The following APBB2 variants were observed in gnomAD, a reference collection of about 807,000 sequenced individuals.
APBB2 encodes Fe65-like 1.
A neutral mutation model predicts 82.5 loss-of-function variants in APBB2; 38 were observed. The ratio of observed to expected loss-of-function variants is 0.46; its 90% confidence interval spans 0.36 to 0.60. The LOEUF is 0.60. Ranked by LOEUF, APBB2 falls within the 20% of genes least tolerant of loss-of-function variation. The probability of loss-of-function intolerance (pLI) is 0.00; values close to 1 mark genes in which losing one functional copy is unlikely to be tolerated. For missense variants in APBB2, 772 were observed against 972.3 expected (o/e 0.79, Z 2.74); for synonymous variants, 341 against 368.2 (o/e 0.93, Z 0.85).
intron 1 of APBB2, among the ~76,000 whole-genome samples, chr4:41,143,573 A>G (rs1427328195): frequency 6.6e-6 from 1 of 152,228 alleles, no homozygotes; most frequent in Admixed American, 6.5e-5. Flanking sequence ...CTTGCTCAAT[A>G]TGCTTTAAAA....
intron 5 of APBB2, among the ~76,000 whole-genome samples, chr4:41,027,400 T>C (rs1218148453): frequency 8.4e-6 from 1 of 118,972 alleles, no homozygotes; most frequent in Non-Finnish European, 1.8e-5. Flanking sequence ...TATATATATA[T>C]ATATAACATT....
intron 10 of APBB2, among the ~76,000 whole-genome samples, chr4:40,924,980 G>T (rs1193018518): frequency 1.3e-5 from 2 of 152,020 alleles, no homozygotes; most frequent in Non-Finnish European, 2.9e-5. Flanking sequence ...TACATTTTTT[G>T]AAAAGTATGG....
chr4:40,891,200 C>A (rs2154351869), intron 11 of APBB2, among the ~76,000 whole-genome samples: 1 of 152,244 alleles, frequency 6.6e-6, no homozygotes, highest in Non-Finnish European at 1.5e-5. Flanking sequence ...TGCTGGGATC[C>A]CAGCACAGGG....
chr4:41,077,056 G>A (rs942484590), intron 3 of APBB2, among the ~76,000 whole-genome samples: 18 of 151,302 alleles, frequency 1.2e-4, no homozygotes, highest in African/African-American at 4.4e-4. Flanking sequence ...CCAGGCTGGA[G>A]TGCAGTGGTA....
chr4:40,873,113 C>T (rs1005588398), intron 12 of APBB2, among the ~76,000 whole-genome samples: 3 of 151,290 alleles, frequency 2.0e-5, no homozygotes, highest in Non-Finnish European at 2.9e-5. Flanking sequence ...AAGATGGTAC[C>T]GTATATGGAT....
Position 40,830,732 on chromosome 4 carries a change from CAT to C in APBB2, c.1530-157_1530-156del, listed in dbSNP as rs1751583417. ...AAATTAAATTACAATAGCTTCCTAA[CAT>C]ATAGTTTTATGACAATTAGAAATTC... On this transcript the variant is annotated intron_variant, in intron 12 of 17. Coordinates refer to ENST00000508593, the MANE Select transcript of APBB2 (RefSeq NM_004307.2). 11 of 599,170 alleles carry C rather than the reference CAT, an allele frequency of 1.8e-5. No individual in the cohort carries two copies. The South Asian group carries it at 2.2e-4, about 12-fold the overall frequency. 37.1% of individuals were successfully genotyped at this position (599,170 alleles called of 1,614,324 possible).
At position 40,832,466 on chromosome 4, in the gene APBB2, C is replaced by T. The variant is rs180831963; in HGVS notation, c.1530-1889G>A. Among the ~76,000 whole-genome samples, 2 of 152,322 alleles carry T rather than the reference C, an allele frequency of 1.3e-5. No individual in the cohort carries two copies. The highest frequency in any genetic ancestry group is 1.3e-4 in the Admixed American group (2 of 15,304). On this transcript the variant is annotated intron_variant, in intron 12 of 17. Coordinates refer to ENST00000508593, the MANE Select transcript of APBB2 (RefSeq NM_004307.2). The surrounding 1 kb of genome is among the most constrained non-coding windows in gnomAD (Gnocchi z 4.8). ...TTCTCCTCCCAACCTACTCCTGCTT[C>T]CTCACGTTCTAGCTCAGTGTCCTCC...
At chr4:40,823,543 A>C in intron 16 of APBB2, 101 bp downstream of exon 16, 1 of 815,826 alleles carries the variant, frequency 1.2e-6, no homozygotes. Flanking sequence ...ACAAGGATGC[A>C]CAACTCCGGC....
At chr4:41,079,802 C>T (rs1308157368) in intron 3 of APBB2, among the ~76,000 whole-genome samples, 1 of 152,190 alleles carries the variant, frequency 6.6e-6, no homozygotes, top group Non-Finnish European at 1.5e-5. Flanking sequence ...CTGCCTTGGC[C>T]TCCCAAAGTG....
chr4:41,139,122 G>A (rs2154018219), intron 2 of APBB2, among the ~76,000 whole-genome samples: 1 of 152,248 alleles, frequency 6.6e-6, no homozygotes, highest in South Asian at 2.1e-4. Flanking sequence ...ACGTATCAGA[G>A]CTCTTAATAT....
intron 6 of APBB2, among the ~76,000 whole-genome samples, chr4:40,962,703 A>G (rs1392629420): frequency 6.6e-6 from 1 of 152,072 alleles, no homozygotes; most frequent in Non-Finnish European, 1.5e-5. Flanking sequence ...TATGAATGGG[A>G]AAGAGGAGGA....
intron 1 of APBB2, among the ~76,000 whole-genome samples, chr4:41,145,768 A>T (rs1760542665): frequency 6.6e-6 from 1 of 152,240 alleles, no homozygotes; most frequent in Non-Finnish European, 1.5e-5. Context: ...ACTTGCACCA[A>T]GCCACCTGTG....
intron 3 of APBB2, among the ~76,000 whole-genome samples, chr4:41,080,093 G>A (rs548186423): frequency 3.3e-5 from 5 of 152,228 alleles, no homozygotes; most frequent in African/African-American, 1.2e-4. Flanking sequence ...AGAGAGACGA[G>A]GCAGTTTGAA....
At chr4:40,885,196 G>C (rs1426353105) in intron 12 of APBB2, among the ~76,000 whole-genome samples, 1 of 152,198 alleles carries the variant, frequency 6.6e-6, no homozygotes, top group Admixed American at 6.5e-5. Context: ...ATAAATCTAA[G>C]TCCTGGCAGC....
chr4:41,060,524 CA>C (rs1452141214), intron 4 of APBB2, among the ~76,000 whole-genome samples: 2 of 152,136 alleles, frequency 1.3e-5, no homozygotes, highest in East Asian at 1.9e-4. Context: ...GATGACTCCA[CA>C]AATACTGGAG....
In APBB2 at chr4:40,811,716, T is replaced by G. The variant is rs1246285356; in HGVS notation, c.*4376A>C. On this transcript the variant is annotated 3_prime_UTR_variant, in exon 18 of 18. Coordinates refer to ENST00000508593, the MANE Select transcript of APBB2 (RefSeq NM_004307.2). ...AGATACTCCAATAGCAAACACATTT[T>G]TAATCTGAAATTATTTACCACCATA... is the stretch of plus-strand genomic sequence containing the variant. The G allele has an allele frequency of 2.0e-5, 3 of 152,196 alleles. No individual in the cohort carries two copies. The highest frequency in any genetic ancestry group is 4.8e-5 in the African/African-American group (2 of 41,436). The allele number at this position is 152,196 out of a possible 1,614,324, so 9.4% of individuals were successfully genotyped here.
intron 12 of APBB2, among the ~76,000 whole-genome samples, chr4:40,837,691 T>C (rs1274459654): frequency 6.6e-6 from 1 of 152,226 alleles, no homozygotes; most frequent in African/African-American, 2.4e-5. Flanking sequence ...CCAGGAGCCA[T>C]CTGCTGCCCA....
intron 12 of APBB2, among the ~76,000 whole-genome samples, chr4:40,884,153 T>A (rs984437599): frequency 2.0e-5 from 3 of 152,204 alleles, no homozygotes; most frequent in African/African-American, 7.2e-5. Context: ...CAGAGTAGCT[T>A]CCCATTTGGG....
intron 1 of APBB2, among the ~76,000 whole-genome samples, chr4:41,190,986 A>G (rs1774261131): frequency 6.6e-6 from 1 of 152,322 alleles, no homozygotes. Flanking sequence ...ATCATTTCCC[A>G]TGTGGACCAT....
Sources: allele counts gnomAD v4.1 joint callset (sites outside exome capture counted in the v4.1 genomes callset), GRCh38; gene constraint gnomAD v4.1.1; non-coding constraint Gnocchi (gnomAD v3.1); transcripts MANE v1.5; gene names NCBI Gene and HGNC (gene_info 2026-07-23, HGNC 2026-07-21).